NPR2: variants seen among roughly 807,000 people sequenced by gnomAD.
NPR2 encodes natriuretic peptide receptor 2, also known as atrial natriuretic peptide receptor 2.
A neutral mutation model predicts 120.7 loss-of-function variants in NPR2; 49 were observed. The observed-to-expected ratio is 0.41, with a 90% CI of 0.32 to 0.52. NPR2 has a LOEUF of 0.52. NPR2 is among the 20% of genes least tolerant of loss of function. NPR2 has a pLI of 0.36. For missense variants in NPR2, 931 were observed against 1,362.9 expected (o/e 0.68, Z 4.99); for synonymous variants, 484 against 519.8 (o/e 0.93, Z 0.94).
chr9:35,808,698 C>T lies in NPR2; in HGVS notation c.2887+15C>T. On this transcript the variant is annotated intron_variant, in intron 19 of 21. Coordinates refer to ENST00000342694, the MANE Select transcript of NPR2 (RefSeq NM_003995.4). This position sits in a 1 kb window ranked among gnomAD's most constrained non-coding sequence, Gnocchi z 4.0. ...GGTCCATACTGGTAAGGCTGACTCTCACTCCAGCCCTAGTCTCCACCTTTC... is the reference window on the plus strand; with the variant it reads ...GGTCCATACTGGTAAGGCTGACTCTTACTCCAGCCCTAGTCTCCACCTTTC... 6.2e-7 allele frequency: 1 copy of T among 1,613,066 alleles called. No individual in the cohort carries two copies. The highest frequency in any genetic ancestry group is 2.2e-5 in the East Asian group (1 of 44,876).
In NPR2 at chr9:35,792,891, T is replaced by C; in HGVS notation, c.483T>C (p.Asn161=). Residue 161 remains asparagine, a synonymous_variant, in exon 1 of 22, where the codon AAT becomes AAC. Coordinates refer to ENST00000342694, the MANE Select transcript of NPR2 (RefSeq NM_003995.4). ...EFVVTLHGHF[N]WTARAALLYL... is the part of the protein sequence containing the mutation. ...TGGTGACACTACACGGGCACTTCAA[T>C]TGGACTGCCCGTGCTGCCTTGCTGT... 6.2e-7 allele frequency: 1 copy of C among 1,614,048 alleles called. No homozygotes were observed. Among genetic ancestry groups the C allele is most frequent in the Non-Finnish European group, 8.5e-7 (1 of 1,180,010 alleles).
chr9:35,799,923 G>A (rs569979006), intron 3 of NPR2, 99 bp from the exon 4 acceptor site: 1 of 1,571,340 alleles, frequency 6.4e-7, no homozygotes, highest in Non-Finnish European at 8.7e-7. Flanking sequence ...AGGGAAGAAA[G>A]CAAACCAGAA....
Position 35,801,057 on chromosome 9 carries a change from A to T in NPR2, c.1352-13A>T, listed in dbSNP as rs767710196. The T allele has an allele frequency of 3.7e-6, 6 of 1,610,660 alleles. No individual in the cohort carries two copies. Among genetic ancestry groups the T allele is most frequent in the African/African-American group, 2.7e-5 (2 of 74,710 alleles). ...GCACACAGTCTTCCTCAGGGTCTCT[A>T]TTTCCCCTTCAGCTCCACTTTCAAC... is the stretch of plus-strand genomic sequence containing the variant. On this transcript the variant is annotated splice_polypyrimidine_tract_variant and intron_variant, in intron 6 of 21. Transcript: ENST00000342694.
In NPR2 at chr9:35,792,815, A is replaced by T; in HGVS notation, c.407A>T (p.Tyr136Phe). Residue 136 changes from tyrosine (Y) to phenylalanine (F), a missense_variant, in exon 1 of 22, where the codon TAT becomes TTT. Physicochemically the swap from Tyr to Phe is conservative, Grantham distance 22 (BLOSUM62 3). Coordinates refer to ENST00000342694, the MANE Select transcript of NPR2 (RefSeq NM_003995.4). The part of the protein sequence containing the change: ...ASGFSAKNDH[Y>F]RTLVRTGPSA... ...GGTTTTTCGGCTAAGAATGACCATT[A>T]TCGTACCCTGGTTCGCACTGGCCCC... The T allele has an allele frequency of 6.2e-7, 1 of 1,614,148 alleles. No homozygotes were observed. The highest frequency in any genetic ancestry group is 1.1e-5 in the South Asian group (1 of 91,084).
Position 35,806,237 on chromosome 9 carries a change from A to C in NPR2, c.2372+4A>C. 1 of 1,614,128 alleles carries C rather than the reference A, an allele frequency of 6.2e-7. No homozygotes were observed. Among genetic ancestry groups the C allele is most frequent in the Non-Finnish European group, 8.5e-7 (1 of 1,180,008 alleles). The stretch of plus-strand genomic sequence containing the variant: ...GCTTCATTCGGCGCTTTAACAAGTG[A>C]GAGGGCATTATGGGGCAGGGGCTTC... On this transcript the variant is annotated splice_donor_region_variant and intron_variant, in intron 15 of 21. Coordinates refer to ENST00000342694, the MANE Select transcript of NPR2 (RefSeq NM_003995.4). This position sits in a 1 kb window ranked among gnomAD's most constrained non-coding sequence, Gnocchi z 4.6.
intron 12 of NPR2, among the ~76,000 whole-genome samples, chr9:35,804,136 T>A (rs1321823684): frequency 6.6e-6 from 1 of 152,352 alleles, no homozygotes. Flanking sequence ...ACAGAAATGT[T>A]TTTTGTTAGC....
At position 35,800,016 on chromosome 9, in the gene NPR2, C is replaced by A. The variant is rs752732223; in HGVS notation, c.988-6C>A. 9 of 1,613,624 alleles carry A rather than the reference C, an allele frequency of 5.6e-6. No homozygotes were observed. The Admixed American group carries it at 1.3e-4, about 24-fold the overall frequency. Reference sequence around the variant, plus strand: ...TGGAGAGTACTGCTGAAGTTGCCACCCCCAGATGAACCTCATCGCTGGCTG... The same window carrying A: ...TGGAGAGTACTGCTGAAGTTGCCACACCCAGATGAACCTCATCGCTGGCTG... On this transcript the variant is annotated splice_polypyrimidine_tract_variant and splice_region_variant and intron_variant, in intron 3 of 21. Transcript: ENST00000342694. This position sits in a 1 kb window ranked among gnomAD's most constrained non-coding sequence, Gnocchi z 4.7.
Position 35,802,941 on chromosome 9 carries a change from G to T in NPR2, c.1887+138G>T. 1 of 717,350 alleles carries T rather than the reference G, an allele frequency of 1.4e-6. No individual in the cohort carries two copies. The highest frequency in any genetic ancestry group is 2.5e-6 in the Non-Finnish European group (1 of 393,272). The allele number at this position is 717,350 out of a possible 1,614,324, so 44.4% of individuals were successfully genotyped here. A position where few individuals can be genotyped will look rare whatever the true frequency, so the allele number is the denominator to read the frequency against. Reference sequence around the variant, plus strand: ...TATTCCCATGGTCTGGTAATAATGGGTAAACAAGGAGTCTGGGGCTTATAA... The same window carrying T: ...TATTCCCATGGTCTGGTAATAATGGTTAAACAAGGAGTCTGGGGCTTATAA... On this transcript the variant is annotated intron_variant, in intron 12 of 21. Transcript: ENST00000342694. The surrounding 1 kb of genome is among the most constrained non-coding windows in gnomAD (Gnocchi z 4.2).
rs1197762278 is a variant in NPR2 at position 35,806,670 on chromosome 9, AGATT to A, written c.2519+133_2519+136del. ...GGCCACAGGGAGCACCCCTGCTTAT[AGATT>A]ATTTGCTGTCATTCTGTCTCCACAT... On this transcript the variant is annotated intron_variant, in intron 16 of 21. Coordinates refer to ENST00000342694, the MANE Select transcript of NPR2 (RefSeq NM_003995.4). The surrounding 1 kb of genome is among the most constrained non-coding windows in gnomAD (Gnocchi z 4.6). 1.0e-6 allele frequency: 1 copy of A among 979,470 alleles called. No homozygotes were observed. The highest frequency in any genetic ancestry group is 1.6e-5 in the African/African-American group (1 of 62,458). The allele number at this position is 979,470 out of a possible 1,614,324, so 60.7% of individuals were successfully genotyped here.
chr9:35,794,445 G>A (rs1262418299), intron 2 of NPR2, among the ~76,000 whole-genome samples: 6 of 152,178 alleles, frequency 3.9e-5, no homozygotes, highest in Admixed American at 3.3e-4. Context: ...GAGAGGTGAG[G>A]CATCGTTCTG....
chr9:35,794,589 C>T (rs971861567), intron 2 of NPR2, among the ~76,000 whole-genome samples: 5 of 152,030 alleles, frequency 3.3e-5, no homozygotes, highest in Non-Finnish European at 5.9e-5. Context: ...GAAGTGAGAC[C>T]GTATTGTGAC....
Position 35,791,914 on chromosome 9 carries a change from C to T in NPR2, c.-495C>T, listed in dbSNP as rs1322617115. 6.6e-6 allele frequency among the ~76,000 whole-genome samples: 1 copy of T among 152,004 alleles called. No individual in the cohort carries two copies. The highest frequency in any genetic ancestry group is 2.4e-5 in the African/African-American group (1 of 41,380). On this transcript the variant is annotated 5_prime_UTR_variant, in exon 1 of 22. Transcript: ENST00000342694. ...CTCCCCGCCTGCCCATGATCCCAGT[C>T]CTTCCGCGGCGCGGGCACCCTCCCA...
Position 35,802,197 on chromosome 9 carries a change from C to T in NPR2, c.1633-9C>T. On this transcript the variant is annotated splice_polypyrimidine_tract_variant and intron_variant, in intron 9 of 21. Transcript: ENST00000342694. The surrounding 1 kb of genome is among the most constrained non-coding windows in gnomAD (Gnocchi z 4.2). ...TCACTTTCCTTTCCCCTTTCACTCCCACCATCAGGGAAATGTTGTCGCCAT... is the reference window on the plus strand; with the variant it reads ...TCACTTTCCTTTCCCCTTTCACTCCTACCATCAGGGAAATGTTGTCGCCAT... 1 of 1,577,374 alleles carries T rather than the reference C, an allele frequency of 6.3e-7. No individual in the cohort carries two copies. Among genetic ancestry groups the T allele is most frequent in the Non-Finnish European group, 8.7e-7 (1 of 1,146,512 alleles).
chr9:35,809,279 A>G lies in NPR2; in HGVS notation c.3078+32A>G, dbSNP rs369998334. On this transcript the variant is annotated intron_variant, in intron 21 of 21. Transcript: ENST00000342694. This position sits in a 1 kb window ranked among gnomAD's most constrained non-coding sequence, Gnocchi z 4.1. ...GCAGGCCATGGGGAGGGGGGCATGG[A>G]AAGGGAGGGTGAAAGTGATTATGGG... The G allele has an allele frequency of 6.2e-6, 10 of 1,611,134 alleles. No individual in the cohort carries two copies. The highest frequency in any genetic ancestry group is 1.7e-5 in the Admixed American group (1 of 59,978).
Position 35,800,744 on chromosome 9 carries a change from T to C in NPR2, c.1254T>C (p.Ile418=). The change falls in exon 6 of 22, where the codon ATT becomes ATC. Residue 418 remains isoleucine, a synonymous_variant. Coordinates refer to ENST00000342694, the MANE Select transcript of NPR2 (RefSeq NM_003995.4). This position sits in a 1 kb window ranked among gnomAD's most constrained non-coding sequence, Gnocchi z 4.7. The part of the protein sequence containing the change: ...AAHYSGAEKQ[I]WWTGRPIPWV... ...ACTACTCGGGAGCTGAGAAGCAGAT[T>C]TGGTGGACGGGACGGCCTATTCCCT... The C allele has an allele frequency of 6.2e-7, 1 of 1,614,090 alleles. No homozygotes were observed.
In NPR2 at chr9:35,802,953, T is replaced by A. The variant is rs975476822; in HGVS notation, c.1887+150T>A. ...CTGGTAATAATGGGTAAACAAGGAG[T>A]CTGGGGCTTATAACTGGGACAGTGA... On this transcript the variant is annotated intron_variant, in intron 12 of 21. Coordinates refer to ENST00000342694, the MANE Select transcript of NPR2 (RefSeq NM_003995.4). The surrounding 1 kb of genome is among the most constrained non-coding windows in gnomAD (Gnocchi z 4.2). 9 of 695,110 alleles carry A rather than the reference T, an allele frequency of 1.3e-5. No individual in the cohort carries two copies. Among genetic ancestry groups the A allele is most frequent in the African/African-American group, 1.8e-5 (1 of 56,720 alleles). 43.1% of individuals were successfully genotyped at this position (695,110 alleles called of 1,614,324 possible). A position where few individuals can be genotyped will look rare whatever the true frequency, so the allele number is the denominator to read the frequency against.
Position 35,809,148 on chromosome 9 carries a change from C to T in NPR2, c.2987-8C>T. On this transcript the variant is annotated splice_polypyrimidine_tract_variant and splice_region_variant and intron_variant, in intron 20 of 21. Transcript: ENST00000342694. This position sits in a 1 kb window ranked among gnomAD's most constrained non-coding sequence, Gnocchi z 4.1. ...ATTCCACCATCCTCCCCATTCCACC[C>T]ACCCCAGCGCTGAAGATCCATGTCT... 6.2e-7 allele frequency: 1 copy of T among 1,612,264 alleles called. No homozygotes were observed. Among genetic ancestry groups the T allele is most frequent in the Non-Finnish European group, 8.5e-7 (1 of 1,178,444 alleles).
At chr9:35,798,303 G>A (rs1356784453) in intron 2 of NPR2, among the ~76,000 whole-genome samples, 1 of 152,052 alleles carries the variant, frequency 6.6e-6, no homozygotes, top group Non-Finnish European at 1.5e-5. Context: ...CTTGGAACAG[G>A]TGCTACTGAA....
In NPR2 at chr9:35,801,146, A is replaced by G; in HGVS notation, c.1428A>G (p.Leu476=). Residue 476 remains leucine (L), a synonymous_variant, in exon 7 of 22, where the codon CTA becomes CTG. Coordinates refer to ENST00000342694, the MANE Select transcript of NPR2 (RefSeq NM_003995.4). The stretch of plus-strand genomic sequence containing the variant: ...TCATGTTTGGTGTTTCCAGCTTCCT[A>G]ATTTTCCGGTGAGTTCTGGGTTTCT... ...TFIMFGVSSF[L]IFRKLMLEKE... 6.2e-7 allele frequency: 1 copy of G among 1,613,254 alleles called. No individual in the cohort carries two copies. Among genetic ancestry groups the G allele is most frequent in the Non-Finnish European group, 8.5e-7 (1 of 1,179,344 alleles).
Sources: gnomAD v4.1 joint callset for allele counts (sites outside exome capture counted in the v4.1 genomes callset) on GRCh38, gnomAD v4.1.1 for gene constraint, Gnocchi (gnomAD v3.1) non-coding constraint, MANE v1.5 for transcripts, NCBI Gene and HGNC (gene_info 2026-07-23, HGNC 2026-07-21) for gene names.